HERC2: variants seen among roughly 807,000 people sequenced by gnomAD.
HERC2 encodes HECT and RLD domain containing E3 ubiquitin protein ligase 2.
In HERC2, 102 loss-of-function variants were observed where a neutral mutation model predicts 537.7. The observed-to-expected ratio is 0.19, with a 90% confidence interval of 0.16 to 0.22. The LOEUF is 0.22. Among genes scored for constraint, HERC2 ranks in the 10% least tolerant of loss-of-function variants. HERC2 has a pLI of 1.00. For missense variants in HERC2, 4,236 were observed against 6,198.2 expected (o/e 0.68, Z 10.63); for synonymous variants, 2,224 against 2,466.2 (o/e 0.90, Z 2.91).
At chr15:28,317,942 T>C (rs1473569735) in intron 2 of HERC2, among the ~76,000 whole-genome samples, 5 of 152,198 alleles carry the variant, frequency 3.3e-5, no homozygotes, top group South Asian at 2.1e-4. Flanking sequence ...TTCATGCCTA[T>C]CTAATTTCAT....
At chr15:28,126,039 T>C (rs1053431287) in intron 83 of HERC2, among the ~76,000 whole-genome samples, 2 of 152,226 alleles carry the variant, frequency 1.3e-5, no homozygotes, top group Non-Finnish European at 2.9e-5. Flanking sequence ...CTCGAACTCC[T>C]GACTTGGTGA....
chr15:28,310,552 G>A (rs2076913551), intron 2 of HERC2, among the ~76,000 whole-genome samples: 1 of 152,182 alleles, frequency 6.6e-6, no homozygotes, highest in Non-Finnish European at 1.5e-5. Flanking sequence ...TGAATGGAAA[G>A]GTTTGACTCT....
chr15:28,240,922 G>A (rs1464257472), intron 23 of HERC2, among the ~76,000 whole-genome samples: 3 of 152,146 alleles, frequency 2.0e-5, no homozygotes, highest in Non-Finnish European at 4.4e-5. Flanking sequence ...CTAAAAATAA[G>A]TGCTAAAACT....
At chr15:28,135,067 T>C (rs1386130835) in intron 79 of HERC2, among the ~76,000 whole-genome samples, 1 of 152,222 alleles carries the variant, frequency 6.6e-6, no homozygotes, top group Non-Finnish European at 1.5e-5. Flanking sequence ...AATTTTTTAA[T>C]ACTTGTGAGT....
intron 79 of HERC2, among the ~76,000 whole-genome samples, chr15:28,133,678 C>T (rs1405124863): frequency 6.6e-6 from 1 of 152,186 alleles, no homozygotes; most frequent in Admixed American, 6.5e-5. Context: ...TCCAATTATT[C>T]AAAACCACTT....
rs146138275 is a variant in HERC2 at position 28,258,525 on chromosome 15, A to C, written c.2317-1264T>G. 3.0e-3 allele frequency among the ~76,000 whole-genome samples: 454 copies of C among 152,302 alleles called. 4 individuals are homozygous for C. The highest frequency in any genetic ancestry group is 0.01 in the African/African-American group (431 of 41,570). On this transcript the variant is annotated intron_variant, in intron 16 of 92. Transcript: ENST00000261609. ...GGGTCAAAAAAACAATTCTCAAGAG[A>C]AATTATAAAATATTTTGAACATACA... is the stretch of plus-strand genomic sequence containing the variant.
intron 23 of HERC2, among the ~76,000 whole-genome samples, chr15:28,239,368 A>G (rs1392618125): frequency 1.3e-5 from 2 of 152,180 alleles, no homozygotes; most frequent in Non-Finnish European, 2.9e-5. Context: ...ACTCAAAAAA[A>G]GAAAACCTGA....
At chr15:28,292,189 A>C (rs1461581759) in intron 4 of HERC2, among the ~76,000 whole-genome samples, 1 of 137,402 alleles carries the variant, frequency 7.3e-6, no homozygotes, top group Non-Finnish European at 1.5e-5. Context: ...AGATTGCACC[A>C]CTGCACTCCA....
At chr15:28,252,552 A>G (rs2075118411) in intron 20 of HERC2, among the ~76,000 whole-genome samples, 1 of 152,220 alleles carries the variant, frequency 6.6e-6, no homozygotes, top group Non-Finnish European at 1.5e-5. Flanking sequence ...AATTAACTCC[A>G]TGAAAGTAAA....
intron 56 of HERC2, among the ~76,000 whole-genome samples, chr15:28,185,655 C>T (rs1048173030): frequency 6.6e-6 from 1 of 152,194 alleles, no homozygotes; most frequent in Non-Finnish European, 1.5e-5. Flanking sequence ...ATATCATTCT[C>T]CTCTGGTATG....
chr15:28,208,952 T>C (rs1387327636), intron 44 of HERC2, among the ~76,000 whole-genome samples: 1 of 152,232 alleles, frequency 6.6e-6, no homozygotes, highest in Non-Finnish European at 1.5e-5. Flanking sequence ...CGAAAAGACT[T>C]AGCATAATGT....
intron 38 of HERC2, among the ~76,000 whole-genome samples, chr15:28,217,247 T>TCA (rs1368328784): frequency 1.3e-5 from 2 of 151,864 alleles, no homozygotes; most frequent in Non-Finnish European, 2.9e-5. Context: ...ATGCTCACCC[T>TCA]CACACACACA....
chr15:28,186,766 C>T lies in HERC2; in HGVS notation c.8650-14G>A, dbSNP rs1261473725. 1 of 1,601,480 alleles carries T rather than the reference C, an allele frequency of 6.2e-7. No individual in the cohort carries two copies. Among genetic ancestry groups the T allele is most frequent in the Non-Finnish European group, 8.6e-7 (1 of 1,169,062 alleles). On this transcript the variant is annotated splice_polypyrimidine_tract_variant and intron_variant, in intron 55 of 92. Transcript: ENST00000261609. The stretch of plus-strand genomic sequence containing the variant: ...ATACCTGTGATACTAGACACAAAAA[C>T]CATGATCTATAGACTCTGTAGAATC...
intron 48 of HERC2, among the ~76,000 whole-genome samples, chr15:28,199,760 C>T (rs1358455312): frequency 6.6e-6 from 1 of 152,142 alleles, no homozygotes; most frequent in East Asian, 1.9e-4. Context: ...GCCTATGAAG[C>T]TTCCTGCCTG....
At chr15:28,168,325 A>C in intron 67 of HERC2, 82 bp downstream of exon 67, 2 of 1,373,586 alleles carry the variant, frequency 1.5e-6, no homozygotes, top group Non-Finnish European at 2.0e-6. Flanking sequence ...AGCCTAAACT[A>C]AATGACACAA....
intron 4 of HERC2, among the ~76,000 whole-genome samples, chr15:28,281,847 C>T (rs1019744000): frequency 6.6e-6 from 1 of 152,092 alleles, no homozygotes; most frequent in Non-Finnish European, 1.5e-5. Flanking sequence ...AGGGCTAAGC[C>T]CTTCCTGAAG....
intron 4 of HERC2, among the ~76,000 whole-genome samples, chr15:28,290,000 C>A (rs1414295697): frequency 6.6e-6 from 1 of 152,242 alleles, no homozygotes; most frequent in Non-Finnish European, 1.5e-5. Flanking sequence ...GGTCTCATCT[C>A]TCAGGCGGGG....
chr15:28,169,033 C>A (rs1894435128), intron 66 of HERC2, among the ~76,000 whole-genome samples: 1 of 152,212 alleles, frequency 6.6e-6, no homozygotes, highest in Admixed American at 6.5e-5. Flanking sequence ...TGTAAGGACA[C>A]CTGTCAGGTC....
chr15:28,264,974 C>T, intron 14 of HERC2, among the ~76,000 whole-genome samples: 1 of 152,066 alleles, frequency 6.6e-6, no homozygotes, highest in Non-Finnish European at 1.5e-5. Context: ...CTAAGAAATG[C>T]CCAAAAGTCA....
Sources: gnomAD v4.1 joint callset for allele counts (sites outside exome capture counted in the v4.1 genomes callset) on GRCh38, gnomAD v4.1.1 for gene constraint, MANE v1.5 for transcripts, NCBI Gene and HGNC (gene_info 2026-07-23, HGNC 2026-07-21) for gene names.